ARHGEF10L: variants seen among roughly 807,000 people sequenced by gnomAD.
ARHGEF10L encodes the protein rho guanine nucleotide exchange factor 10-like protein.
ARHGEF10L carries 69 observed loss-of-function variants against 141.2 expected under a neutral mutation model. That is an observed-to-expected ratio of 0.49 (90% CI 0.40 to 0.60). The LOEUF is 0.60. ARHGEF10L is among the 20% of genes least tolerant of loss of function. The pLI is 0.00. For synonymous variants in ARHGEF10L, 711 were observed against 718.5 expected (o/e 0.99, Z 0.17); for missense variants, 1,482 against 1,734.3 (o/e 0.85, Z 2.58).
Position 17,697,222 on chromosome 1 carries a change from C to T in ARHGEF10L, c.3682C>T (p.Arg1228Cys), listed in dbSNP as rs143620430. Residue 1228 changes from arginine (R) to cysteine (C), a missense_variant, in exon 29 of 29, where the codon CGC becomes TGC. By Grantham distance (180) the Arg-to-Cys change is radical (BLOSUM62 -3). Coordinates refer to ENST00000361221, the MANE Select transcript of ARHGEF10L (RefSeq NM_018125.4). The surrounding 1 kb of genome is among the most constrained non-coding windows in gnomAD (Gnocchi z 4.8). ...DIWVRSRPCARDAHRKEICSV... is the reference protein window; with the variant it reads ...DIWVRSRPCACDAHRKEICSV... Reference sequence around the variant, plus strand: ...CTGGGTGCGCAGCCGGCCCTGCGCCCGCGACGCCCACCGCAAGGAGATTTG... The same window carrying T: ...CTGGGTGCGCAGCCGGCCCTGCGCCTGCGACGCCCACCGCAAGGAGATTTG... 1.7e-4 allele frequency: 272 copies of T among 1,612,186 alleles called. 1 individual carries two copies. In the African/African-American group the frequency reaches 3.2e-3, roughly 19 times the overall value.
intron 16 of ARHGEF10L, 92 bp from the exon 17 acceptor site, chr1:17,634,456 C>T (rs1047112380): frequency 1.3e-6 from 2 of 1,599,902 alleles, no homozygotes; most frequent in Non-Finnish European, 1.7e-6. Flanking sequence ...CGATGCCCAG[C>T]CCCATGGCTG....
chr1:17,592,230 A>G (rs1457047367), intron 4 of ARHGEF10L, among the ~76,000 whole-genome samples: 2 of 152,144 alleles, frequency 1.3e-5, no homozygotes, highest in Non-Finnish European at 2.9e-5. Flanking sequence ...CAATAGCCCC[A>G]TGGACTCTGG....
chr1:17,638,038 T>TC, intron 19 of ARHGEF10L, 35 bp downstream of exon 19: 1 of 1,541,548 alleles, frequency 6.5e-7, no homozygotes, highest in African/African-American at 1.4e-5. Flanking sequence ...TGGCCTGAGC[T>TC]CCCCAGTGTG....
At chr1:17,581,276 C>T (rs1353546602) in intron 2 of ARHGEF10L, among the ~76,000 whole-genome samples, 2 of 123,034 alleles carry the variant, frequency 1.6e-5, no homozygotes, top group Non-Finnish European at 3.2e-5. Flanking sequence ...CACACCACTG[C>T]ACTCCAGCCT....
At chr1:17,590,030 G>T (rs1290953572) in intron 4 of ARHGEF10L, among the ~76,000 whole-genome samples, 2 of 152,058 alleles carry the variant, frequency 1.3e-5, no homozygotes. Flanking sequence ...TGGCACACAG[G>T]GTGGTCAGCA....
chr1:17,590,393 G>A (rs910826086), intron 4 of ARHGEF10L, among the ~76,000 whole-genome samples: 1 of 152,132 alleles, frequency 6.6e-6, no homozygotes, highest in African/African-American at 2.4e-5. Context: ...TGCCTGGTGT[G>A]TGATTCCTGG....
chr1:17,599,391 A>G (rs1027518008), intron 4 of ARHGEF10L, among the ~76,000 whole-genome samples: 1 of 152,076 alleles, frequency 6.6e-6, no homozygotes, highest in African/African-American at 2.4e-5. Context: ...CAGAGCAAGC[A>G]GTGCATGGCG....
At chr1:17,552,571 GTTTTTTTT>G (rs34766409) in intron 1 of ARHGEF10L, among the ~76,000 whole-genome samples, 1 of 44,934 alleles carries the variant, frequency 2.2e-5, no homozygotes, top group East Asian at 1.4e-3. Flanking sequence ...GCTAATTTTC[GTTTTTTTT>G]TTTTTTTTTT....
intron 21 of ARHGEF10L, among the ~76,000 whole-genome samples, chr1:17,643,389 A>C (rs915751754): frequency 7.2e-5 from 11 of 152,078 alleles, no homozygotes; most frequent in Admixed American, 2.6e-4. Context: ...GCCCTGGGGA[A>C]TCTGGGGACC....
chr1:17,633,789 C>T (rs1413924804), intron 16 of ARHGEF10L, among the ~76,000 whole-genome samples: 2 of 152,226 alleles, frequency 1.3e-5, no homozygotes, highest in Admixed American at 1.3e-4. Context: ...GTTCTAGGCC[C>T]TGTACCGAGT....
In ARHGEF10L at chr1:17,588,880, G is replaced by GTC. The variant is rs1553181489; in HGVS notation, c.257+402_257+403insCT. 4.8e-3 allele frequency among the ~76,000 whole-genome samples: 361 copies of GTC among 74,528 alleles called. 14 individuals carry two copies. The highest frequency in any genetic ancestry group is 0.022 in the African/African-American group (323 of 14,764). 48.9% of individuals were successfully genotyped at this position (74,528 alleles called of 152,430 possible). A position where few individuals can be genotyped will look rare whatever the true frequency, so the allele number is the denominator to read the frequency against. ...TGTGTGTGTGTGTGTGTGTGTGTGT[G>GTC]TGTGTGTGTGTGTGTGTGTAGTGGG... On this transcript the variant is annotated intron_variant, in intron 4 of 28. Coordinates refer to ENST00000361221, the MANE Select transcript of ARHGEF10L (RefSeq NM_018125.4).
intron 25 of ARHGEF10L, among the ~76,000 whole-genome samples, chr1:17,657,478 T>C (rs2062341706): frequency 6.6e-6 from 1 of 152,082 alleles, no homozygotes; most frequent in African/African-American, 2.4e-5. Context: ...CAGCCCCCAG[T>C]CCCCTGGAAG....
At chr1:17,686,411 G>C (rs1197232108) in intron 26 of ARHGEF10L, among the ~76,000 whole-genome samples, 1 of 152,254 alleles carries the variant, frequency 6.6e-6, no homozygotes, top group Non-Finnish European at 1.5e-5. Context: ...TCTGTCCTTG[G>C]AGTCCACAGT....
chr1:17,625,374 C>T lies in ARHGEF10L; in HGVS notation c.1318-582C>T, dbSNP rs1413578715. Among the ~76,000 whole-genome samples, 1 of 152,140 alleles carries T rather than the reference C, an allele frequency of 6.6e-6. No homozygotes were observed. The highest frequency in any genetic ancestry group is 1.5e-5 in the Non-Finnish European group (1 of 68,020). On this transcript the variant is annotated intron_variant, in intron 13 of 28. Transcript: ENST00000361221. This position sits in a 1 kb window ranked among gnomAD's most constrained non-coding sequence, Gnocchi z 4.5. ...GTGCACACTAAGAGGCGGCTGAGTTCAGTTGGGTGGTTCTAGACCTCCAGG... is the reference window on the plus strand; with the variant it reads ...GTGCACACTAAGAGGCGGCTGAGTTTAGTTGGGTGGTTCTAGACCTCCAGG...
intron 9 of ARHGEF10L, chr1:17,618,500 C>T (rs1007054441): frequency 8.2e-6 from 12 of 1,457,704 alleles, no homozygotes; most frequent in Middle Eastern, 1.9e-4. Context: ...CCTCCTCCTC[C>T]TCCTCCTCTG....
chr1:17,664,558 G>A lies in ARHGEF10L; in HGVS notation c.2972G>A (p.Arg991Gln), dbSNP rs747529935. Reference sequence around the variant, plus strand: ...GCCGTGTGGGCCAGCTGTGGGCCCCGGGTCACTGTCCTGGAAGCCACCACC... The same window carrying A: ...GCCGTGTGGGCCAGCTGTGGGCCCCAGGTCACTGTCCTGGAAGCCACCACC... The part of the protein sequence containing the change: ...EDAVWASCGP[R>Q]VTVLEATTLQ... Residue 991 changes from arginine to glutamine, a missense_variant, in exon 26 of 29, where the codon CGG becomes CAG. Arg to Gln is a conservative substitution (Grantham distance 43, BLOSUM62 1). This residue lies in a region of ARHGEF10L where 858 missense variants were observed against 966.3 expected (regional missense o/e 0.89). Coordinates refer to ENST00000361221, the MANE Select transcript of ARHGEF10L (RefSeq NM_018125.4). The A allele has an allele frequency of 1.4e-5, 22 of 1,605,904 alleles. No homozygotes were observed. In the East Asian group the frequency reaches 2.0e-4, roughly 15 times the overall value.
At chr1:17,590,556 G>A (rs892230321) in intron 4 of ARHGEF10L, among the ~76,000 whole-genome samples, 2 of 152,154 alleles carry the variant, frequency 1.3e-5, no homozygotes, top group Admixed American at 6.5e-5. Flanking sequence ...ATTTTTTGGA[G>A]GGGGATGTTT....
chr1:17,668,129 T>G (rs1257034613), intron 26 of ARHGEF10L, among the ~76,000 whole-genome samples: 1 of 152,212 alleles, frequency 6.6e-6, no homozygotes, highest in Non-Finnish European at 1.5e-5. Flanking sequence ...CACACGGTCT[T>G]GGCACGTGGC....
chr1:17,669,364 A>T (rs1470766843), intron 26 of ARHGEF10L, among the ~76,000 whole-genome samples: 1 of 152,210 alleles, frequency 6.6e-6, no homozygotes, highest in East Asian at 1.9e-4. Flanking sequence ...ATACTGAGCG[A>T]TTCCTTTGGA....
Sources: gnomAD v4.1 joint callset for allele counts (sites outside exome capture counted in the v4.1 genomes callset) on GRCh38, gnomAD v4.1.1 for gene constraint, gnomAD v4.1.1 regional missense constraint, Gnocchi (gnomAD v3.1) non-coding constraint, MANE v1.5 for transcripts, NCBI Gene and HGNC (gene_info 2026-07-23, HGNC 2026-07-21) for gene names.